The following BTBD3 variants were observed in gnomAD, a reference collection of about 807,000 sequenced individuals.
BTBD3 encodes the protein BTB/POZ domain-containing protein 3.
In BTBD3, 14 loss-of-function variants were observed where a neutral mutation model predicts 41.6. That is an observed-to-expected ratio of 0.34 (90% CI 0.22 to 0.53). The LOEUF (loss-of-function observed/expected upper bound fraction) is 0.53, where lower values mean the gene tolerates loss of function less well. Among genes scored for constraint, BTBD3 ranks in the 20% least tolerant of loss-of-function variants. BTBD3 has a pLI of 0.95. For missense variants in BTBD3, 426 were observed against 654.7 expected (o/e 0.65, Z 3.81); for synonymous variants, 249 against 233.7 (o/e 1.07, Z -0.60).
chr20:11,905,976 A>G (rs1018966024), intron 1 of BTBD3, among the ~76,000 whole-genome samples: 2 of 152,214 alleles, frequency 1.3e-5, no homozygotes, highest in African/African-American at 4.8e-5. Context: ...ACAGGCACAC[A>G]TGGAATGAAT....
intron 1 of BTBD3, among the ~76,000 whole-genome samples, chr20:11,908,123 C>T (rs1167588369): frequency 2.6e-5 from 4 of 152,106 alleles, no homozygotes; most frequent in East Asian, 1.9e-4. Context: ...GTCTCCTATA[C>T]GGAACTCTTA....
In BTBD3 at chr20:11,923,299, T is replaced by C. The variant is rs754208193; in HGVS notation, c.1202T>C (p.Val401Ala). Residue 401 changes from valine to alanine, a missense_variant, in exon 4 of 4, where the codon GTT becomes GCT. Coordinates refer to ENST00000378226, the MANE Select transcript of BTBD3 (RefSeq NM_014962.4). This position sits in a 1 kb window ranked among gnomAD's most constrained non-coding sequence, Gnocchi z 5.3. ...CGCTGTGACAGCATCCAGTTTGCAGTTGATAAAAGAGTGTTCATTGCTGGC... is the reference window on the plus strand; with the variant it reads ...CGCTGTGACAGCATCCAGTTTGCAGCTGATAAAAGAGTGTTCATTGCTGGC... ...RGRCDSIQFA[V>A]DKRVFIAGFG... 3.7e-6 allele frequency: 6 copies of C among 1,614,214 alleles called. No individual in the cohort carries two copies. The highest frequency in any genetic ancestry group is 5.1e-6 in the Non-Finnish European group (6 of 1,180,022).
chr20:11,912,261 C>T (rs2056893907), intron 1 of BTBD3, among the ~76,000 whole-genome samples: 3 of 152,222 alleles, frequency 2.0e-5, no homozygotes, highest in South Asian at 4.1e-4. Flanking sequence ...TAGATGGGCT[C>T]CTTGCAGGAG....
At chr20:11,917,576 A>T (rs2056926852), upstream of BTBD3, among the ~76,000 whole-genome samples, 1 of 152,226 alleles carries the variant, frequency 6.6e-6, no homozygotes, top group Non-Finnish European at 1.5e-5. Context: ...AGAAATATAG[A>T]TATCTGTCCC....
intron 3 of BTBD3, among the ~76,000 whole-genome samples, chr20:11,920,163 T>C (rs974140595): frequency 6.6e-6 from 1 of 152,212 alleles, no homozygotes; most frequent in African/African-American, 2.4e-5. Context: ...TCTGAAAGCA[T>C]TGTGTGTGAA....
rs1351381225 is a variant in BTBD3 at position 11,926,122 on chromosome 20, A to G, written c.*2456A>G. On this transcript the variant is annotated 3_prime_UTR_variant, in exon 4 of 4. Coordinates refer to ENST00000378226, the MANE Select transcript of BTBD3 (RefSeq NM_014962.4). ...AATCTTGGATTTTGTAGCTTTTAAAACTAGAAACCATTGTTCTAACAAAGC... is the reference window on the plus strand; with the variant it reads ...AATCTTGGATTTTGTAGCTTTTAAAGCTAGAAACCATTGTTCTAACAAAGC... 1 of 152,576 alleles carries G rather than the reference A, an allele frequency of 6.6e-6. No homozygotes were observed. Among genetic ancestry groups the G allele is most frequent in the African/African-American group, 2.4e-5 (1 of 41,432 alleles). 9.5% of individuals were successfully genotyped at this position (152,576 alleles called of 1,614,324 possible).
At chr20:11,907,446 C>T (rs190339504) in intron 1 of BTBD3, among the ~76,000 whole-genome samples, 145 of 152,314 alleles carry the variant, frequency 9.5e-4, no homozygotes, top group African/African-American at 3.4e-3. Context: ...CAAGTGTGAT[C>T]TGGAGTTCTA....
chr20:11,914,936 C>T (rs140499865), upstream of BTBD3, among the ~76,000 whole-genome samples: 184 of 152,170 alleles, frequency 1.2e-3, no homozygotes, highest in African/African-American at 3.5e-3. Context: ...GTTTGAAAAA[C>T]ATTCATTCTG....
rs1205754820 is a variant in BTBD3 at position 11,919,156 on chromosome 20, C to G, written c.397C>G (p.Gln133Glu). ...HFVVGPPGGT[Q>E]RLPGHKYVLA... ...TGTGGTTGGGCCACCAGGTGGGACT[C>G]AACGGTTGCCAGGACACAAAGTAAG... Residue 133 changes from glutamine to glutamate, a missense_variant, in exon 2 of 4, where the codon CAA becomes GAA. Gln to Glu is a conservative substitution (Grantham distance 29). Coordinates refer to ENST00000378226, the MANE Select transcript of BTBD3 (RefSeq NM_014962.4). 1.2e-6 allele frequency: 2 copies of G among 1,613,706 alleles called. No homozygotes were observed. The highest frequency in any genetic ancestry group is 1.3e-5 in the African/African-American group (1 of 75,016).
intron 1 of BTBD3, among the ~76,000 whole-genome samples, chr20:11,903,637 C>T (rs1424545164): frequency 2.0e-5 from 3 of 151,454 alleles, no homozygotes; most frequent in Non-Finnish European, 2.9e-5. Flanking sequence ...GGCGGAGTTT[C>T]GCTCTTGTTG....
rs373420490 is a variant in BTBD3, at chr20:11,897,646, G to C, written c.-126+6692G>C. Among the ~76,000 whole-genome samples, 111 of 152,170 alleles carry C rather than the reference G, an allele frequency of 7.3e-4. 4 individuals are homozygous for C. In the South Asian group the frequency reaches 0.023, roughly 31 times the overall value. On this transcript the variant is annotated intron_variant, in intron 1 of 4. Coordinates refer to the BTBD3 transcript ENST00000254977. The stretch of plus-strand genomic sequence containing the variant: ...TCCCATCCGTACTACCAGCATCTTT[G>C]TCCAAGTCTCCTGCATTTCTTGCCT...
chr20:11,904,323 G>A (rs891423586), intron 1 of BTBD3, among the ~76,000 whole-genome samples: 1 of 152,134 alleles, frequency 6.6e-6, no homozygotes, highest in East Asian at 1.9e-4. Flanking sequence ...CAAGTGTTAT[G>A]CACTTTCAAA....
At chr20:11,895,865 C>T (rs2122167268) in intron 1 of BTBD3, among the ~76,000 whole-genome samples, 2 of 152,302 alleles carry the variant, frequency 1.3e-5, no homozygotes, top group Middle Eastern at 3.4e-3. Context: ...GTTGGTATAG[C>T]ATTCCCTCTC....
intron 1 of BTBD3, among the ~76,000 whole-genome samples, chr20:11,905,362 A>G (rs2056847189): frequency 6.6e-6 from 1 of 151,804 alleles, no homozygotes; most frequent in Admixed American, 6.6e-5. Context: ...AAACCATTCT[A>G]TTTCAATTTG....
At position 11,924,930 on chromosome 20, in the gene BTBD3, G is replaced by C. The variant is rs752943829; in HGVS notation, c.*1264G>C. 2.6e-5 allele frequency: 4 copies of C among 152,530 alleles called. No individual in the cohort carries two copies. Among genetic ancestry groups the C allele is most frequent in the Non-Finnish European group, 5.9e-5 (4 of 68,040 alleles). 9.4% of individuals were successfully genotyped at this position (152,530 alleles called of 1,614,324 possible). A position where few individuals can be genotyped will look rare whatever the true frequency, so the allele number is the denominator to read the frequency against. On this transcript the variant is annotated 3_prime_UTR_variant, in exon 4 of 4. Transcript: ENST00000378226. Reference sequence around the variant, plus strand: ...AGTATCACATCTAGCTCCCTTACTTGTCCACAGATAATGTAAACAAAGGAG... The same window carrying C: ...AGTATCACATCTAGCTCCCTTACTTCTCCACAGATAATGTAAACAAAGGAG...
rs550876445 is a variant in BTBD3 at position 11,902,689 on chromosome 20, T to C, written c.-126+11735T>C. 5.3e-5 allele frequency among the ~76,000 whole-genome samples: 8 copies of C among 152,358 alleles called. No homozygotes were observed. The South Asian group carries it at 1.7e-3, about 32-fold the overall frequency. ...ATGAAATTATTACAGTAGAATAGTATGTACTACAGTTAATTTTATGCCTTT... is the reference window on the plus strand; with the variant it reads ...ATGAAATTATTACAGTAGAATAGTACGTACTACAGTTAATTTTATGCCTTT... On this transcript the variant is annotated intron_variant, in intron 1 of 4. Transcript: ENST00000254977.
chr20:11,914,608 AAAACTT>A (rs1466452028), upstream of BTBD3, among the ~76,000 whole-genome samples: 1 of 152,004 alleles, frequency 6.6e-6, no homozygotes, highest in Non-Finnish European at 1.5e-5. Context: ...CATGTACACT[AAAACTT>A]AAAGTATAAT....
In BTBD3 at chr20:11,923,237, G is replaced by T; in HGVS notation, c.1140G>T (p.Ser380=). 1 of 1,614,226 alleles carries T rather than the reference G, an allele frequency of 6.2e-7. No individual in the cohort carries two copies. Among genetic ancestry groups the T allele is most frequent in the Non-Finnish European group, 8.5e-7 (1 of 1,180,040 alleles). Residue 380 remains serine, a synonymous_variant, in exon 4 of 4, where the codon TCG becomes TCT. Transcript: ENST00000378226. The surrounding 1 kb of genome is among the most constrained non-coding windows in gnomAD (Gnocchi z 5.3). Reference sequence around the variant, plus strand: ...CCCAGCGCTGTCACCGTTTCCAGTCGTGTGCCTATCGAAGCAACCAATGGC... The same window carrying T: ...CCCAGCGCTGTCACCGTTTCCAGTCTTGTGCCTATCGAAGCAACCAATGGC... ...LVPQRCHRFQ[S]CAYRSNQWRY... is the part of the protein sequence containing the mutation.
At chr20:11,913,506 C>T (rs2056901405), upstream of BTBD3, 1 of 152,124 alleles carries the variant, frequency 6.6e-6, no homozygotes, top group Admixed American at 6.6e-5. Context: ...AGAAATATGA[C>T]AATTGAGCAT....
Sources: gnomAD v4.1 joint callset for allele counts (sites outside exome capture counted in the v4.1 genomes callset) on GRCh38, gnomAD v4.1.1 for gene constraint, Gnocchi (gnomAD v3.1) non-coding constraint, MANE v1.5 for transcripts, NCBI Gene and HGNC (gene_info 2026-07-23, HGNC 2026-07-21) for gene names.